The following GMDS variants were observed in gnomAD, a reference collection of about 807,000 sequenced individuals.
GMDS encodes the protein GDP-mannose 4,6-dehydratase.
GMDS carries 20 observed loss-of-function variants against 49.9 expected under a neutral mutation model. The ratio of observed to expected loss-of-function variants is 0.40; its 90% confidence interval spans 0.28 to 0.58. The LOEUF (loss-of-function observed/expected upper bound fraction) is 0.58. GMDS is among the 20% of genes least tolerant of loss of function. GMDS has a pLI of 0.42. For synonymous variants in GMDS, 177 were observed against 178.6 expected (o/e 0.99, Z 0.07); for missense variants, 362 against 481.4 (o/e 0.75, Z 2.32).
intron 4 of GMDS, among the ~76,000 whole-genome samples, chr6:2,069,836 C>G (rs984767940): frequency 9.9e-5 from 15 of 152,068 alleles, no homozygotes; most frequent in African/African-American, 3.6e-4. Context: ...TAAACTAGTT[C>G]AACCATTGTG....
At chr6:2,065,064 A>G (rs9503086) in intron 4 of GMDS, among the ~76,000 whole-genome samples, 2,079 of 152,232 alleles carry the variant, frequency 0.014, 42 homozygotes, top group African/African-American at 0.046. Flanking sequence ...CCCAGCATGC[A>G]GCTGGAGATC....
At chr6:1,817,293 T>G (rs956621917) in intron 7 of GMDS, among the ~76,000 whole-genome samples, 3 of 152,100 alleles carry the variant, frequency 2.0e-5, no homozygotes, top group Admixed American at 6.6e-5. Context: ...CCTTAATGAT[T>G]TGTTTTCTCC....
At chr6:2,239,927 C>A (rs1781535649) in intron 1 of GMDS, among the ~76,000 whole-genome samples, 1 of 152,034 alleles carries the variant, frequency 6.6e-6, no homozygotes, top group South Asian at 2.1e-4. Flanking sequence ...ACCTCGTGAT[C>A]CAGAGATTTG....
intron 7 of GMDS, among the ~76,000 whole-genome samples, chr6:1,914,422 G>A (rs150870775): frequency 0.026 from 3,774 of 147,740 alleles, 146 homozygotes; most frequent in African/African-American, 0.086. Flanking sequence ...AGCCGAGATC[G>A]CACCACTGCA....
At chr6:2,101,050 G>A (rs997293837) in intron 4 of GMDS, among the ~76,000 whole-genome samples, 2 of 142,614 alleles carry the variant, frequency 1.4e-5, no homozygotes, top group African/African-American at 5.0e-5. Context: ...ACATTACTGA[G>A]ATTTTTTTTT....
intron 4 of GMDS, among the ~76,000 whole-genome samples, chr6:2,047,244 G>A (rs1000986949): frequency 3.9e-5 from 6 of 152,134 alleles, no homozygotes; most frequent in African/African-American, 1.4e-4. Context: ...TCTTTGTACT[G>A]CCCTGCATAG....
Position 2,117,456 on chromosome 6 carries a change from G to C in GMDS, c.235+13C>G. On this transcript the variant is annotated intron_variant, in intron 3 of 10. Coordinates refer to ENST00000380815, the MANE Select transcript of GMDS (RefSeq NM_001500.4). ...CTTATAGAAAGAGATTCTAGAAAAA[G>C]AAAATGACTTACTTCCTTCAATGTG... The C allele has an allele frequency of 6.9e-7, 1 of 1,447,198 alleles. No homozygotes were observed. The highest frequency in any genetic ancestry group is 9.7e-7 in the Non-Finnish European group (1 of 1,027,792). The allele number at this position is 1,447,198 out of a possible 1,614,324, so 89.6% of individuals were successfully genotyped here.
intron 1 of GMDS, among the ~76,000 whole-genome samples, chr6:2,156,183 T>C (rs756731419): frequency 6.6e-6 from 1 of 152,164 alleles, no homozygotes; most frequent in Non-Finnish European, 1.5e-5. Flanking sequence ...AAATATATTA[T>C]AGAGCGTCTT....
intron 1 of GMDS, among the ~76,000 whole-genome samples, chr6:2,218,855 A>T (rs1444403701): frequency 6.6e-6 from 1 of 152,200 alleles, no homozygotes; most frequent in African/African-American, 2.4e-5. Flanking sequence ...AAGTTTATTC[A>T]GGGTCACAAG....
At chr6:2,143,679 C>T (rs922567593) in intron 1 of GMDS, among the ~76,000 whole-genome samples, 2 of 152,192 alleles carry the variant, frequency 1.3e-5, no homozygotes, top group Admixed American at 1.3e-4. Context: ...TTGTGTCACA[C>T]TCCCACCCCA....
rs557506243 is a variant in GMDS at position 2,090,381 on chromosome 6, T to C, written c.345+25390A>G. ...TATCTGAAAAACTGAGGTTAACAAG[T>C]TTATCTGACGATAGTTATAAACACA... On this transcript the variant is annotated intron_variant, in intron 4 of 10. Transcript: ENST00000380815. Among the ~76,000 whole-genome samples the C allele has an allele frequency of 3.3e-5, 5 of 152,276 alleles. No individual in the cohort carries two copies. The South Asian group carries it at 8.3e-4, about 25-fold the overall frequency.
At chr6:1,804,611 G>A (rs920701265) in intron 7 of GMDS, among the ~76,000 whole-genome samples, 2 of 152,198 alleles carry the variant, frequency 1.3e-5, no homozygotes, top group African/African-American at 4.8e-5. Context: ...AATTGTATAT[G>A]CTTTCATTTA....
intron 7 of GMDS, among the ~76,000 whole-genome samples, chr6:1,904,444 C>G (rs1457020300): frequency 1.3e-5 from 2 of 152,168 alleles, no homozygotes; most frequent in African/African-American, 4.8e-5. Context: ...ACTGATAGTC[C>G]ATTAAATGAG....
chr6:1,972,802 T>C (rs1039655240), intron 4 of GMDS, among the ~76,000 whole-genome samples: 2 of 152,222 alleles, frequency 1.3e-5, no homozygotes, highest in Admixed American at 1.3e-4. Context: ...TAAGTTCCAA[T>C]GTTTACCAGG....
intron 4 of GMDS, among the ~76,000 whole-genome samples, chr6:2,078,590 A>C (rs1482336812): frequency 6.6e-6 from 1 of 151,982 alleles, no homozygotes; most frequent in Non-Finnish European, 1.5e-5. Flanking sequence ...GATCCTCTTG[A>C]TATTTCTAGT....
At chr6:1,688,515 C>T (rs1353517228) in intron 9 of GMDS, among the ~76,000 whole-genome samples, 1 of 152,194 alleles carries the variant, frequency 6.6e-6, no homozygotes, top group African/African-American at 2.4e-5. Context: ...ACATTACATC[C>T]TCTCCGTGAT....
At chr6:1,848,108 C>T (rs77046608) in intron 7 of GMDS, among the ~76,000 whole-genome samples, 4,217 of 152,096 alleles carry the variant, frequency 0.028, 189 homozygotes, top group African/African-American at 0.096. Context: ...CACAAATCAT[C>T]TCAATTTCCA....
At chr6:1,942,163 T>C (rs1762854099) in intron 6 of GMDS, among the ~76,000 whole-genome samples, 1 of 152,160 alleles carries the variant, frequency 6.6e-6, no homozygotes, top group Non-Finnish European at 1.5e-5. Context: ...CTAACACAAC[T>C]TTCTGGATGG....
chr6:1,664,650 T>C (rs368682609), intron 9 of GMDS, among the ~76,000 whole-genome samples: 14 of 152,324 alleles, frequency 9.2e-5, no homozygotes, highest in Middle Eastern at 3.4e-3. Context: ...CTCTGTCACA[T>C]TGACATGTTT....
Sources: allele counts gnomAD v4.1 joint callset (sites outside exome capture counted in the v4.1 genomes callset), GRCh38; gene constraint gnomAD v4.1.1; transcripts MANE v1.5; gene names NCBI Gene and HGNC (gene_info 2026-07-23, HGNC 2026-07-21).